Variants in FNDC1 observed in about 807,000 individuals in gnomAD.
FNDC1 encodes fibronectin type III domain-containing protein 1.
In FNDC1, 96 loss-of-function variants were observed where a neutral mutation model predicts 168.0. The observed-to-expected ratio is 0.57, with a 90% CI of 0.48 to 0.68. The LOEUF is 0.68. Ranked by LOEUF, FNDC1 falls within the 30% of genes least tolerant of loss-of-function variation. The pLI is 0.00. For missense variants in FNDC1, 2,587 were observed against 2,482.1 expected (o/e 1.04, Z -0.90); for synonymous variants, 1,099 against 1,025.9 (o/e 1.07, Z -1.36).
At chr6:159,181,124 CATA>C (rs1423017769) in intron 1 of FNDC1, among the ~76,000 whole-genome samples, 5 of 152,170 alleles carry the variant, frequency 3.3e-5, no homozygotes, top group Non-Finnish European at 5.9e-5. Context: ...CCTATTTCTC[CATA>C]ACCTCGACAG....
At position 159,266,245 on chromosome 6, in the gene FNDC1, G is replaced by T; in HGVS notation, c.5446G>T (p.Asp1816Tyr). 1 of 1,613,844 alleles carries T rather than the reference G, an allele frequency of 6.2e-7. No individual in the cohort carries two copies. Among genetic ancestry groups the T allele is most frequent in the African/African-American group, 1.3e-5 (1 of 75,038 alleles). Residue 1816 changes from aspartate to tyrosine, a missense_variant and splice_region_variant, in exon 21 of 23, where the codon GAT (aspartate) becomes TAT (tyrosine). Transcript: ENST00000297267. ...YKIYLSDNLK[D>Y]TFYSIGDSWG... ...AATCTACCTCAGTGACAACCTGAAA[G>T]GTAAGTCTTTGTGCATGGTTGGCTA...
chr6:159,268,970 C>G (rs955805543), intron 22 of FNDC1, among the ~76,000 whole-genome samples: 2 of 148,768 alleles, frequency 1.3e-5, no homozygotes, highest in Non-Finnish European at 3.0e-5. Flanking sequence ...ATCTATCTAT[C>G]CACCTATCCA....
chr6:159,238,546 G>A lies in FNDC1; in HGVS notation c.4069-8G>A. 1.3e-6 allele frequency: 2 copies of A among 1,579,750 alleles called. No individual in the cohort carries two copies. The highest frequency in any genetic ancestry group is 1.7e-6 in the Non-Finnish European group (2 of 1,153,504). Reference sequence around the variant, plus strand: ...CAATATATTCTTTAATCTATGTCATGGATTTAGGTTGTGGACCTTGATCGT... The same window carrying A: ...CAATATATTCTTTAATCTATGTCATAGATTTAGGTTGTGGACCTTGATCGT... On this transcript the variant is annotated splice_region_variant and splice_polypyrimidine_tract_variant and intron_variant, in intron 12 of 22. Coordinates refer to ENST00000297267, the MANE Select transcript of FNDC1 (RefSeq NM_032532.3).
At position 159,263,553 on chromosome 6, in the gene FNDC1, G is replaced by A. The variant is rs570163884; in HGVS notation, c.5255-1422G>A. 5.2e-3 allele frequency among the ~76,000 whole-genome samples: 786 copies of A among 152,264 alleles called. 6 individuals are homozygous for A. Among genetic ancestry groups the A allele is most frequent in the African/African-American group, 0.018 (740 of 41,534 alleles). Reference sequence around the variant, plus strand: ...CGAGTCAGGCGGATCACGAGGTCATGAGATCGAGACCATCCTGGCTAACAC... The same window carrying A: ...CGAGTCAGGCGGATCACGAGGTCATAAGATCGAGACCATCCTGGCTAACAC... On this transcript the variant is annotated intron_variant, in intron 19 of 22. Coordinates refer to ENST00000297267, the MANE Select transcript of FNDC1 (RefSeq NM_032532.3).
rs147926028 is a variant in FNDC1, at chr6:159,184,580, C to T, written c.110-12851C>T. ...TCTCATTCACTGTGTTTCAAACCTACCTCTCCAGAACCTTTGCTTGGCCTC... is the reference window on the plus strand; with the variant it reads ...TCTCATTCACTGTGTTTCAAACCTATCTCTCCAGAACCTTTGCTTGGCCTC... On this transcript the variant is annotated intron_variant, in intron 1 of 22. Transcript: ENST00000297267. 4.5e-3 allele frequency among the ~76,000 whole-genome samples: 690 copies of T among 152,284 alleles called. 7 individuals carry two copies. The highest frequency in any genetic ancestry group is 0.016 in the African/African-American group (652 of 41,540).
intron 22 of FNDC1, among the ~76,000 whole-genome samples, chr6:159,268,901 A>G (rs1370546503): frequency 6.6e-6 from 1 of 150,856 alleles, no homozygotes; most frequent in African/African-American, 2.5e-5. Context: ...CTATCTATCC[A>G]TCCATCTGTT....
chr6:159,219,514 G>T (rs547043628), intron 5 of FNDC1, among the ~76,000 whole-genome samples: 36 of 152,198 alleles, frequency 2.4e-4, no homozygotes, highest in Non-Finnish European at 4.4e-4. Flanking sequence ...TTTGGTGCCC[G>T]CAGATCTGGG....
intron 19 of FNDC1, among the ~76,000 whole-genome samples, chr6:159,263,357 C>T (rs556211222): frequency 1.5e-4 from 23 of 151,990 alleles, no homozygotes; most frequent in Non-Finnish European, 3.1e-4. Context: ...CTGATGCAGG[C>T]GTGAACATTC....
chr6:159,260,150 G>A (rs959461828), intron 18 of FNDC1, among the ~76,000 whole-genome samples: 6 of 152,192 alleles, frequency 3.9e-5, no homozygotes, highest in African/African-American at 1.4e-4. Context: ...TCCCTTATGA[G>A]CTCTCTAAAA....
chr6:159,237,617 A>G (rs975317952), intron 12 of FNDC1, among the ~76,000 whole-genome samples: 3 of 152,248 alleles, frequency 2.0e-5, no homozygotes, highest in African/African-American at 7.2e-5. Context: ...AGCAAAATGG[A>G]AAGATTTTAT....
At chr6:159,236,556 C>T (rs1043198365) in intron 12 of FNDC1, among the ~76,000 whole-genome samples, 1 of 152,174 alleles carries the variant, frequency 6.6e-6, no homozygotes, top group Admixed American at 6.5e-5. Flanking sequence ...TTTTCATTTG[C>T]CTTGACTGGT....
chr6:159,200,167 A>C (rs550800541), intron 3 of FNDC1, 85 bp downstream of exon 3: 1 of 1,022,308 alleles, frequency 9.8e-7, no homozygotes, highest in East Asian at 2.6e-5. Context: ...AGTAAATATA[A>C]ATTTAGAGTT....
chr6:159,178,972 T>A (rs1288204487), intron 1 of FNDC1, among the ~76,000 whole-genome samples: 2 of 152,160 alleles, frequency 1.3e-5, no homozygotes, highest in Non-Finnish European at 2.9e-5. Context: ...CCTGACTCCC[T>A]CAGATACAAA....
Position 159,256,503 on chromosome 6 carries a change from T to G in FNDC1, c.5066-20T>G. The G allele has an allele frequency of 6.3e-7, 1 of 1,587,022 alleles. No homozygotes were observed. The stretch of plus-strand genomic sequence containing the variant: ...TTGGTTCCTTGGTGTCCATTGGGTT[T>G]TTCCTGTTTCCATTTTCAGGTTACT... On this transcript the variant is annotated intron_variant, in intron 17 of 22. Coordinates refer to ENST00000297267, the MANE Select transcript of FNDC1 (RefSeq NM_032532.3).
Position 159,259,414 on chromosome 6 carries a change from T to C in FNDC1, c.5175-1776T>C, listed in dbSNP as rs997490542. Among the ~76,000 whole-genome samples the C allele has an allele frequency of 4.6e-5, 7 of 152,256 alleles. No individual in the cohort carries two copies. The East Asian group carries it at 1.2e-3, about 25-fold the overall frequency. Reference sequence around the variant, plus strand: ...GTGGATTTGGAGAATATTTAGGCTTTAGTGTCAAAACAAAATCGATACAAA... The same window carrying C: ...GTGGATTTGGAGAATATTTAGGCTTCAGTGTCAAAACAAAATCGATACAAA... On this transcript the variant is annotated intron_variant, in intron 18 of 22. Coordinates refer to ENST00000297267, the MANE Select transcript of FNDC1 (RefSeq NM_032532.3).
chr6:159,246,886 C>T lies in FNDC1; in HGVS notation c.4622-15C>T. On this transcript the variant is annotated splice_polypyrimidine_tract_variant and intron_variant, in intron 14 of 22. Coordinates refer to ENST00000297267, the MANE Select transcript of FNDC1 (RefSeq NM_032532.3). Reference sequence around the variant, plus strand: ...GGAGCGCTGGATGACTGGTCCTTTTCTCTGTCCTCACTAGATGAGTTCTCA... The same window carrying T: ...GGAGCGCTGGATGACTGGTCCTTTTTTCTGTCCTCACTAGATGAGTTCTCA... 6.2e-7 allele frequency: 1 copy of T among 1,601,956 alleles called. No individual in the cohort carries two copies. Among genetic ancestry groups the T allele is most frequent in the Non-Finnish European group, 8.6e-7 (1 of 1,168,816 alleles).
At chr6:159,209,907 C>G (rs401623) in intron 4 of FNDC1, among the ~76,000 whole-genome samples, 48,545 of 152,056 alleles carry the variant, frequency 0.32, 8,991 homozygotes, top group African/African-American at 0.53. Flanking sequence ...TCTGGCATCT[C>G]TGGAGGAAGC....
intron 18 of FNDC1, among the ~76,000 whole-genome samples, chr6:159,259,322 G>C (rs1777432590): frequency 6.6e-6 from 1 of 152,164 alleles, no homozygotes; most frequent in South Asian, 2.1e-4. Context: ...GTTTTAATGG[G>C]AATATGTCTT....
chr6:159,268,019 T>C, intron 22 of FNDC1, 93 bp downstream of exon 22: 1 of 1,361,098 alleles, frequency 7.3e-7, no homozygotes, highest in South Asian at 1.3e-5. Flanking sequence ...GCCTTTGCCT[T>C]GTCATTCGAA....
Sources: gnomAD v4.1 joint callset for allele counts (sites outside exome capture counted in the v4.1 genomes callset) on GRCh38, gnomAD v4.1.1 for gene constraint, MANE v1.5 for transcripts, NCBI Gene and HGNC (gene_info 2026-07-23, HGNC 2026-07-21) for gene names.